The following CRYL1 variants were observed in gnomAD, a reference collection of about 807,000 sequenced individuals.
The protein encoded by CRYL1 is lambda-crystallin homolog.
A neutral mutation model predicts 36.6 loss-of-function variants in CRYL1; 29 were observed. That is an observed-to-expected ratio of 0.79 (90% confidence interval 0.59 to 1.08). The LOEUF (loss-of-function observed/expected upper bound fraction) is 1.08, where lower values mean the gene tolerates loss of function less well. Ranked by LOEUF, CRYL1 falls within the 50% of genes least tolerant of loss-of-function variation. The pLI, the probability that CRYL1 is intolerant of heterozygous loss-of-function variation, is 0.00. For missense variants in CRYL1, 411 were observed against 407.9 expected (o/e 1.01, Z -0.06); for synonymous variants, 152 against 151.5 (o/e 1.00, Z -0.02).
chr13:20,408,559 C>G (rs974462749), intron 6 of CRYL1, among the ~76,000 whole-genome samples: 1 of 152,212 alleles, frequency 6.6e-6, no homozygotes, highest in African/African-American at 2.4e-5. Context: ...CTGGGAAACT[C>G]TAGGTACCTG....
In CRYL1 at chr13:20,522,547, ACTAT is replaced by A. The variant is rs572581687; in HGVS notation, c.41+3203_41+3206del. Among the ~76,000 whole-genome samples the A allele has an allele frequency of 1.2e-3, 188 of 152,232 alleles. 1 individual carries two copies. Among genetic ancestry groups the A allele is most frequent in the African/African-American group, 4.0e-3 (166 of 41,554 alleles). On this transcript the variant is annotated intron_variant, in intron 1 of 7. Transcript: ENST00000298248. ...AAGCAGTCTCTGTTACAAACGCTCA[ACTAT>A]CTGTCTATTGGGACCACGCATGGTG...
At chr13:20,460,687 G>A (rs56316002) in intron 3 of CRYL1, among the ~76,000 whole-genome samples, 2,844 of 151,874 alleles carry the variant, frequency 0.019, 50 homozygotes, top group Non-Finnish European at 0.029. Flanking sequence ...CACTACGCCC[G>A]GCTAATTTTT....
At chr13:20,432,926 G>C (rs960916547) in intron 4 of CRYL1, among the ~76,000 whole-genome samples, 2 of 152,184 alleles carry the variant, frequency 1.3e-5, no homozygotes, top group Non-Finnish European at 2.9e-5. Context: ...GCTGAAGTGG[G>C]AGAATCATTT....
chr13:20,458,290 T>C (rs774505893), intron 3 of CRYL1, among the ~76,000 whole-genome samples: 31 of 152,174 alleles, frequency 2.0e-4, no homozygotes, highest in Non-Finnish European at 4.3e-4. Flanking sequence ...TCTGGGCAAA[T>C]TTTTGATCAA....
chr13:20,521,506 G>A (rs1333489165), intron 1 of CRYL1, among the ~76,000 whole-genome samples: 1 of 152,150 alleles, frequency 6.6e-6, no homozygotes, highest in Non-Finnish European at 1.5e-5. Context: ...TGTCCTGAGA[G>A]CTTGTGACAT....
In CRYL1 at chr13:20,435,449, A is replaced by G. The variant is rs564852630; in HGVS notation, c.439-3153T>C. Among the ~76,000 whole-genome samples, 357 of 152,218 alleles carry G rather than the reference A, an allele frequency of 2.3e-3. 2 individuals carry two copies. Among genetic ancestry groups the G allele is most frequent in the South Asian group, 4.4e-3 (21 of 4,820 alleles). ...GTCCACCTACGGAAGCCGCCGCAAA[A>G]GGACCTTCGAGGTCTCCCGGCTGGG... On this transcript the variant is annotated intron_variant, in intron 4 of 7. Coordinates refer to ENST00000298248, the MANE Select transcript of CRYL1 (RefSeq NM_015974.3). The surrounding 1 kb of genome is among the most constrained non-coding windows in gnomAD (Gnocchi z 4.0).
intron 2 of CRYL1, among the ~76,000 whole-genome samples, chr13:20,491,540 C>T (rs892096451): frequency 2.6e-5 from 4 of 152,160 alleles, no homozygotes; most frequent in Admixed American, 6.5e-5. Context: ...CCTGTAATTC[C>T]AGCACTTTGC....
intron 5 of CRYL1, chr13:20,427,162 G>A (rs891205194): frequency 1.0e-6 from 1 of 985,302 alleles, no homozygotes; most frequent in Non-Finnish European, 1.2e-6. Context: ...ATGTAGACTT[G>A]AAATGACATC....
chr13:20,525,782 C>G lies in CRYL1; in HGVS notation c.13G>C (p.Ala5Pro), dbSNP rs1306313280. 1 of 1,284,828 alleles carries G rather than the reference C, an allele frequency of 7.8e-7. No individual in the cohort carries two copies. The highest frequency in any genetic ancestry group is 3.2e-5 in the East Asian group (1 of 31,572). 79.6% of individuals were successfully genotyped at this position (1,284,828 alleles called of 1,614,324 possible). A position where few individuals can be genotyped will look rare whatever the true frequency, so the allele number is the denominator to read the frequency against. Reference protein sequence around the residue: MASSAAGCVVIVGSG... With the variant: MASSPAGCVVIVGSG... The stretch of plus-strand genomic sequence containing the variant: ...CCAACGATCACCACGCAGCCGGCCG[C>G]GGAGGACGCCATGGTTGGGCCGGGG... The change falls in exon 1 of 8, where the codon GCG becomes CCG. Residue 5 changes from alanine (A) to proline (P), a missense_variant. Ala to Pro is a conservative substitution (Grantham distance 27). Transcript: ENST00000298248. This position sits in a 1 kb window ranked among gnomAD's most constrained non-coding sequence, Gnocchi z 4.3.
rs901687862 is a variant in CRYL1, at chr13:20,435,859, C to T, written c.439-3563G>A. On this transcript the variant is annotated intron_variant, in intron 4 of 7. Transcript: ENST00000298248. The surrounding 1 kb of genome is among the most constrained non-coding windows in gnomAD (Gnocchi z 4.0). ...GCGAGGCCCACAGGGCCGACAGCGC[C>T]CTCGCGGGAGGCAGCCGGGCTGGGG... is the stretch of plus-strand genomic sequence containing the variant. 6.6e-6 allele frequency among the ~76,000 whole-genome samples: 1 copy of T among 152,194 alleles called. No individual in the cohort carries two copies. The highest frequency in any genetic ancestry group is 1.5e-5 in the Non-Finnish European group (1 of 68,022).
At position 20,470,910 on chromosome 13, in the gene CRYL1, C is replaced by CAAAAAAAAAAA. The variant is rs11353451; in HGVS notation, c.276+18449_276+18459dup. Reference sequence around the variant, plus strand: ...GGGCAAAAAGAGCAAAACTCCATCTCAAAAAAAAAAAAAAAACAAAAAAAA... The same window carrying CAAAAAAAAAAA: ...GGGCAAAAAGAGCAAAACTCCATCTCAAAAAAAAAAAAAAAAAAAAAAAAAAACAAAAAAAA... On this transcript the variant is annotated intron_variant, in intron 3 of 7. Coordinates refer to ENST00000298248, the MANE Select transcript of CRYL1 (RefSeq NM_015974.3). Among the ~76,000 whole-genome samples, 130 of 40,846 alleles carry CAAAAAAAAAAA rather than the reference C, an allele frequency of 3.2e-3. 2 individuals carry two copies. Among genetic ancestry groups the CAAAAAAAAAAA allele is most frequent in the African/African-American group, 0.01 (117 of 11,444 alleles). The allele number at this position is 40,846 out of a possible 152,430, so 26.8% of individuals were successfully genotyped here. A position where few individuals can be genotyped will look rare whatever the true frequency, so the allele number is the denominator to read the frequency against.
intron 1 of CRYL1, among the ~76,000 whole-genome samples, chr13:20,523,657 G>C (rs2034136049): frequency 6.6e-6 from 1 of 152,100 alleles, no homozygotes; most frequent in Admixed American, 6.6e-5. Flanking sequence ...AAAGAGGAAG[G>C]GAAGAAACCA....
At chr13:20,409,750 G>A (rs1319159146) in intron 6 of CRYL1, among the ~76,000 whole-genome samples, 2 of 151,200 alleles carry the variant, frequency 1.3e-5, no homozygotes, top group African/African-American at 4.8e-5. Context: ...CTCAAAAGAA[G>A]ACATTTATGC....
At chr13:20,460,761 G>C (rs1007015225) in intron 3 of CRYL1, among the ~76,000 whole-genome samples, 17 of 152,220 alleles carry the variant, frequency 1.1e-4, no homozygotes, top group African/African-American at 4.1e-4. Flanking sequence ...TCCTGACATC[G>C]TGATCTGCCC....
intron 2 of CRYL1, among the ~76,000 whole-genome samples, chr13:20,507,872 C>G (rs1340961284): frequency 1.3e-5 from 2 of 150,226 alleles, no homozygotes; most frequent in African/African-American, 2.5e-5. Context: ...GAGCCAAGAT[C>G]GAGCCACTGC....
intron 1 of CRYL1, among the ~76,000 whole-genome samples, chr13:20,518,460 C>CT (rs2034040506): frequency 6.6e-6 from 1 of 151,930 alleles, no homozygotes; most frequent in Admixed American, 6.6e-5. Flanking sequence ...TGGTGCTCTG[C>CT]TGGAGGGGCG....
In CRYL1 at chr13:20,420,701, T is replaced by TTTTTTTTTTTTTTTTTTTTG; in HGVS notation, c.634-7315_634-7314insCAAAAAAAAAAAAAAAAAAA. Among the ~76,000 whole-genome samples, 15 of 21,840 alleles carry TTTTTTTTTTTTTTTTTTTTG rather than the reference T, an allele frequency of 6.9e-4. 3 individuals are homozygous for TTTTTTTTTTTTTTTTTTTTG. The highest frequency in any genetic ancestry group is 1.2e-3 in the Non-Finnish European group (9 of 7,326). 14.3% of individuals were successfully genotyped at this position (21,840 alleles called of 152,430 possible). On this transcript the variant is annotated intron_variant, in intron 5 of 7. Coordinates refer to ENST00000298248, the MANE Select transcript of CRYL1 (RefSeq NM_015974.3). Reference sequence around the variant, plus strand: ...CTTTGACTTTTCTTTAAAATAGAGGTTGTGTGTGTGTGTGTGTGTGTGTGT... The same window carrying TTTTTTTTTTTTTTTTTTTTG: ...CTTTGACTTTTCTTTAAAATAGAGGTTTTTTTTTTTTTTTTTTTTGTGTGTGTGTGTGTGTGTGTGTGTGT...
chr13:20,520,961 A>G (rs1365183505), intron 1 of CRYL1, among the ~76,000 whole-genome samples: 1 of 152,008 alleles, frequency 6.6e-6, no homozygotes, highest in Non-Finnish European at 1.5e-5. Context: ...ATAATTAGCC[A>G]GGCGTGGTGG....
In CRYL1 at chr13:20,489,455, C is replaced by T. The variant is rs768012337; in HGVS notation, c.191G>A (p.Gly64Asp). 3.1e-6 allele frequency: 5 copies of T among 1,613,394 alleles called. No individual in the cohort carries two copies. The highest frequency in any genetic ancestry group is 2.2e-5 in the East Asian group (1 of 44,900). ...KLLEQAGSLK[G>D]SLSVEEQLSL... ...CAGCTGCTCTTCCACACTCAGGGAG[C>T]CTTTCAGAGAACCTGCCTGCTCCAG... The change falls in exon 3 of 8, where the codon GGC (glycine) becomes GAC (aspartate). Residue 64 changes from glycine (G) to aspartate (D), a missense_variant. Transcript: ENST00000298248.
Sources: gnomAD v4.1 joint callset for allele counts (sites outside exome capture counted in the v4.1 genomes callset) on GRCh38, gnomAD v4.1.1 for gene constraint, Gnocchi (gnomAD v3.1) non-coding constraint, MANE v1.5 for transcripts, NCBI Gene and HGNC (gene_info 2026-07-23, HGNC 2026-07-21) for gene names.